Variants in NFKBIZ observed in about 807,000 individuals in gnomAD.
NFKBIZ encodes the protein NF-kappa-B inhibitor zeta.
NFKBIZ carries 19 observed loss-of-function variants against 76.8 expected under a neutral mutation model. The ratio of observed to expected loss-of-function variants is 0.25; its 90% CI spans 0.17 to 0.36. The LOEUF (loss-of-function observed/expected upper bound fraction) is 0.36, where lower values mean the gene tolerates loss of function less well. Ranked by LOEUF, NFKBIZ falls within the 10% of genes least tolerant of loss-of-function variation. The pLI, the probability that NFKBIZ is intolerant of heterozygous loss-of-function variation, is 1.00. For synonymous variants in NFKBIZ, 368 were observed against 354.8 expected (o/e 1.04, Z -0.42); for missense variants, 829 against 910.9 (o/e 0.91, Z 1.16).
At chr3:101,828,298 T>C (rs920952608) in intron 1 of NFKBIZ, 1 of 152,214 alleles carries the variant, frequency 6.6e-6, no homozygotes, top group Admixed American at 6.5e-5. Context: ...CACTCTCCTA[T>C]GTTTGAGTAG....
At position 101,850,053 on chromosome 3, in the gene NFKBIZ, A is replaced by C; in HGVS notation, c.289+136A>C. ...GTACGCACCTTAGCCATCAATTACC[A>C]CTCCCCGCCTTGCCCGGGCCGGGCG... On this transcript the variant is annotated intron_variant, in intron 1 of 11. Transcript: ENST00000326172. The C allele has an allele frequency of 1.2e-5, 10 of 845,796 alleles. No individual in the cohort carries two copies. The South Asian group carries it at 1.2e-4, about 10-fold the overall frequency. The allele number at this position is 845,796 out of a possible 1,614,324, so 52.4% of individuals were successfully genotyped here.
intron 2 of NFKBIZ, among the ~76,000 whole-genome samples, chr3:101,843,698 C>G (rs571773449): frequency 1.3e-5 from 2 of 152,332 alleles, no homozygotes; most frequent in South Asian, 4.1e-4. Flanking sequence ...TCTTCTGATA[C>G]ATTAAAATCC....
chr3:101,843,861 C>T (rs376608363), intron 2 of NFKBIZ, among the ~76,000 whole-genome samples: 40 of 152,274 alleles, frequency 2.6e-4, no homozygotes, highest in African/African-American at 8.7e-4. Context: ...TTGTTAATAG[C>T]GCATCATCAC....
intron 2 of NFKBIZ, among the ~76,000 whole-genome samples, chr3:101,840,364 G>A (rs975496965): frequency 2.0e-5 from 3 of 152,156 alleles, no homozygotes; most frequent in African/African-American, 7.2e-5. Flanking sequence ...CAGGGTGAAA[G>A]TTAGGAAAGT....
chr3:101,856,963 T>A, intron 9 of NFKBIZ, 110 bp from the exon 10 acceptor site: 1 of 739,494 alleles, frequency 1.4e-6, no homozygotes, highest in Non-Finnish European at 2.3e-6. Flanking sequence ...GCATTCAAAG[T>A]GAGTCTCTGA....
chr3:101,834,887 G>A (rs1432514387), intron 2 of NFKBIZ, among the ~76,000 whole-genome samples: 1 of 152,170 alleles, frequency 6.6e-6, no homozygotes, highest in East Asian at 1.9e-4. Flanking sequence ...CACATCTGCT[G>A]TCCATTGTTT....
rs79591437 is a variant in NFKBIZ, at chr3:101,858,079, A to G, written c.2103+620A>G. 5,439 of 942,936 alleles carry G rather than the reference A, an allele frequency of 5.8e-3. 24 individuals are homozygous for G. Among genetic ancestry groups the G allele is most frequent in the Middle Eastern group, 0.016 (29 of 1,826 alleles). The allele number at this position is 942,936 out of a possible 1,614,324, so 58.4% of individuals were successfully genotyped here. On this transcript the variant is annotated intron_variant, in intron 11 of 11. Coordinates refer to ENST00000326172, the MANE Select transcript of NFKBIZ (RefSeq NM_031419.4). The stretch of plus-strand genomic sequence containing the variant: ...GTTTCATGAGTAAACTTTTTAGATA[A>G]CAAGAACTTATTCTTTCAAGAACTT...
rs116358696 is a variant in NFKBIZ, at chr3:101,836,157, T to C, written c.-12+6469T>C. Reference sequence around the variant, plus strand: ...ATGGCAAGTTTCATTTTAGACTTGATTATACTCTTGGCAACATGGAATTAG... The same window carrying C: ...ATGGCAAGTTTCATTTTAGACTTGACTATACTCTTGGCAACATGGAATTAG... On this transcript the variant is annotated intron_variant, in intron 2 of 12. Coordinates refer to the NFKBIZ transcript ENST00000394054. Among the ~76,000 whole-genome samples, 1,471 of 152,270 alleles carry C rather than the reference T, an allele frequency of 9.7e-3. 20 individuals are homozygous for C. The highest frequency in any genetic ancestry group is 0.033 in the African/African-American group (1,358 of 41,542).
chr3:101,853,146 A>T lies in NFKBIZ; in HGVS notation c.620A>T (p.Glu207Val). ...GESMEDVHLN[E>V]PKQESSADLL... is the part of the protein sequence containing the mutation. ...AGCATGGAAGATGTTCATCTCAATG[A>T]ACCCAAACAGGAGAGCAGTGCTGAT... Residue 207 changes from glutamate to valine, a missense_variant, in exon 5 of 12, where the codon GAA (glutamate) becomes GTA (valine). Physicochemically the swap from Glu to Val is moderately radical, Grantham distance 121. Around this residue, in one of 4 missense-constraint regions of NFKBIZ, gnomAD observed 371 missense variants for 332.3 expected, o/e 1.12. Coordinates refer to ENST00000326172, the MANE Select transcript of NFKBIZ (RefSeq NM_031419.4). 6.2e-7 allele frequency: 1 copy of T among 1,614,216 alleles called. No homozygotes were observed. Among genetic ancestry groups the T allele is most frequent in the Non-Finnish European group, 8.5e-7 (1 of 1,180,042 alleles).
Position 101,842,577 on chromosome 3 carries a change from ATTTTC to A in NFKBIZ, c.-11-9493_-11-9489del, listed in dbSNP as rs1204641999. On this transcript the variant is annotated intron_variant, in intron 2 of 12. Coordinates refer to the NFKBIZ transcript ENST00000394054. The stretch of plus-strand genomic sequence containing the variant: ...TGATGTTTTTTCTTTTTCTTTTTTC[ATTTTC>A]TTTTCTTTTCTTTTTTTTTTTTTTT... 2.8e-3 allele frequency among the ~76,000 whole-genome samples: 371 copies of A among 133,046 alleles called. 1 individual carries two copies. The highest frequency in any genetic ancestry group is 6.2e-3 in the South Asian group (26 of 4,182). The allele number at this position is 133,046 out of a possible 152,430, so 87.3% of individuals were successfully genotyped here.
chr3:101,849,500 C>T (rs906153891), upstream of NFKBIZ: 16 of 804,922 alleles, frequency 2.0e-5, no homozygotes, highest in East Asian at 7.1e-5. Context: ...CCCTGGCAGT[C>T]CCGCGCCGCG....
upstream of NFKBIZ, chr3:101,849,426 C>G (rs1409866163): frequency 5.2e-6 from 2 of 382,216 alleles, no homozygotes; most frequent in African/African-American, 2.1e-5. Flanking sequence ...GGAGGCGGCC[C>G]GGGCACCGCC....
chr3:101,849,500 CCCGCG>C (rs1942911022), upstream of NFKBIZ: 1 of 804,920 alleles, frequency 1.2e-6, no homozygotes, highest in Non-Finnish European at 1.7e-6. Context: ...CCCTGGCAGT[CCCGCG>C]CCGCGCCCGT....
rs1943063979 is a variant in NFKBIZ, at chr3:101,857,300, T to C, written c.1944T>C (p.Asn648=). 5 of 1,614,224 alleles carry C rather than the reference T, an allele frequency of 3.1e-6. No individual in the cohort carries two copies. The highest frequency in any genetic ancestry group is 4.2e-6 in the Non-Finnish European group (5 of 1,180,030). The part of the protein sequence containing the change: ...CLSFVNAKAY[N]GNTALHVAAS... Reference sequence around the variant, plus strand: ...CATTTCTTTGTCTTCAGGCTTACAATGGCAACACTGCCCTCCATGTTGCTG... The same window carrying C: ...CATTTCTTTGTCTTCAGGCTTACAACGGCAACACTGCCCTCCATGTTGCTG... Residue 648 remains asparagine, a synonymous_variant, in exon 11 of 12, where the codon AAT becomes AAC. Coordinates refer to ENST00000326172, the MANE Select transcript of NFKBIZ (RefSeq NM_031419.4).
intron 11 of NFKBIZ, chr3:101,857,810 G>A: frequency 2.0e-6 from 2 of 984,720 alleles, no homozygotes; most frequent in South Asian, 4.7e-5. Flanking sequence ...TAATGTATGA[G>A]CCTTCAAATA....
intron 2 of NFKBIZ, among the ~76,000 whole-genome samples, chr3:101,843,909 A>C (rs915009169): frequency 6.6e-6 from 1 of 152,250 alleles, no homozygotes; most frequent in African/African-American, 2.4e-5. Context: ...CTAGGAAGCT[A>C]TCAAGCTCAA....
At chr3:101,859,202 T>C (rs1943099959) in intron 11 of NFKBIZ, 116 bp from the exon 12 acceptor site, 2 of 721,010 alleles carry the variant, frequency 2.8e-6, no homozygotes, top group Non-Finnish European at 4.9e-6. Context: ...CTTCGTATAC[T>C]TACAAGTTAA....
rs996632694 is a variant in NFKBIZ, at chr3:101,860,332, C to G, written c.*961C>G. ...TAACTGGAACTACAGGTGTGCACTC[C>G]TCGCCTGGCTAATTTTTTATTTTTT... On this transcript the variant is annotated 3_prime_UTR_variant, in exon 12 of 12. Transcript: ENST00000326172. 2.0e-5 allele frequency: 3 copies of G among 152,058 alleles called. No individual in the cohort carries two copies. The highest frequency in any genetic ancestry group is 2.0e-4 in the Admixed American group (3 of 15,250). 9.4% of individuals were successfully genotyped at this position (152,058 alleles called of 1,614,324 possible). A position where few individuals can be genotyped will look rare whatever the true frequency, so the allele number is the denominator to read the frequency against.
chr3:101,837,151 C>G (rs1942730562), intron 2 of NFKBIZ, among the ~76,000 whole-genome samples: 1 of 152,100 alleles, frequency 6.6e-6, no homozygotes, highest in African/African-American at 2.4e-5. Context: ...AAAATACAAC[C>G]TTAGGTAGGA....
Sources: gnomAD v4.1 joint callset for allele counts (sites outside exome capture counted in the v4.1 genomes callset) on GRCh38, gnomAD v4.1.1 for gene constraint, gnomAD v4.1.1 regional missense constraint, MANE v1.5 for transcripts, NCBI Gene and HGNC (gene_info 2026-07-23, HGNC 2026-07-21) for gene names.